MAPK10: variants seen among roughly 807,000 people sequenced by gnomAD.
MAPK10 encodes the protein mitogen-activated protein kinase 10.
A neutral mutation model predicts 59.3 loss-of-function variants in MAPK10; 25 were observed. That is an observed-to-expected ratio of 0.42 (90% CI 0.31 to 0.59). The LOEUF (loss-of-function observed/expected upper bound fraction) is 0.59. Among genes scored for constraint, MAPK10 ranks in the 20% least tolerant of loss-of-function variants. MAPK10 has a pLI of 0.15. For missense variants in MAPK10, 351 were observed against 568.9 expected, an observed-to-expected ratio of 0.62 and a Z score of 3.90; for synonymous variants, 190 against 200.5, an observed-to-expected ratio of 0.95 and a Z score of 0.44.
At chr4:86,235,559 T>C (rs1233194838) in intron 2 of MAPK10, among the ~76,000 whole-genome samples, 1 of 152,354 alleles carries the variant, frequency 6.6e-6, no homozygotes. Flanking sequence ...TCTGTGATAA[T>C]TGACATGTAT....
chr4:86,264,148 T>C (rs530896085), intron 2 of MAPK10, among the ~76,000 whole-genome samples: 1 of 152,348 alleles, frequency 6.6e-6, no homozygotes, highest in South Asian at 2.1e-4. Context: ...TGTTTTAATT[T>C]TGAAATTTGA....
chr4:86,559,172 C>G (rs112731205), intron 1 of MAPK10, among the ~76,000 whole-genome samples: 7,122 of 151,362 alleles, frequency 0.047, 222 homozygotes, highest in African/African-American at 0.059. Flanking sequence ...TCCTTTTCTT[C>G]TTGAGACATC....
At chr4:86,463,878 C>T (rs955922685) in intron 1 of MAPK10, among the ~76,000 whole-genome samples, 2 of 152,148 alleles carry the variant, frequency 1.3e-5, no homozygotes, top group Non-Finnish European at 2.9e-5. Context: ...TTGAATAGAT[C>T]CAGAGAAGAC....
At chr4:86,168,234 G>C (rs953486337) in intron 3 of MAPK10, among the ~76,000 whole-genome samples, 2 of 152,220 alleles carry the variant, frequency 1.3e-5, no homozygotes, top group African/African-American at 4.8e-5. Context: ...GCAACGCACC[G>C]TGCACCAGCC....
chr4:86,105,790 C>A (rs958920881), intron 5 of MAPK10, among the ~76,000 whole-genome samples: 1 of 152,054 alleles, frequency 6.6e-6, no homozygotes, highest in East Asian at 1.9e-4. Flanking sequence ...ATGTTTGTTG[C>A]ATGGCCATAT....
chr4:86,316,251 C>A (rs2095785703), intron 2 of MAPK10, among the ~76,000 whole-genome samples: 2 of 152,078 alleles, frequency 1.3e-5, no homozygotes, highest in African/African-American at 2.4e-5. Context: ...CTGCATGCAC[C>A]AAAAATAATA....
chr4:86,448,156 C>A (rs1750262909), intron 1 of MAPK10, among the ~76,000 whole-genome samples: 2 of 152,238 alleles, frequency 1.3e-5, no homozygotes, highest in East Asian at 3.9e-4. Flanking sequence ...TCTCACAAAC[C>A]AATTTTTATT....
At chr4:86,582,961 A>T (rs1047892367) in intron 1 of MAPK10, among the ~76,000 whole-genome samples, 3 of 152,072 alleles carry the variant, frequency 2.0e-5, no homozygotes, top group African/African-American at 7.2e-5. Flanking sequence ...ATCATTTAAA[A>T]TTTTTTGTTA....
At chr4:86,450,340 C>G (rs1314180939) in intron 1 of MAPK10, among the ~76,000 whole-genome samples, 1 of 152,184 alleles carries the variant, frequency 6.6e-6, no homozygotes, top group Non-Finnish European at 1.5e-5. Context: ...ACCCCAGACA[C>G]TCCAAAGCTT....
chr4:86,385,491 C>T (rs1356211992), intron 1 of MAPK10, among the ~76,000 whole-genome samples: 1 of 152,168 alleles, frequency 6.6e-6, no homozygotes, highest in African/African-American at 2.4e-5. Flanking sequence ...ATTTCTTATA[C>T]ATATTTCTTT....
intron 1 of MAPK10, among the ~76,000 whole-genome samples, chr4:86,573,350 C>T (rs1457469457): frequency 1.3e-5 from 2 of 152,098 alleles, no homozygotes; most frequent in African/African-American, 2.4e-5. Context: ...TGTTCCAGCA[C>T]CTTTTACTAA....
intron 2 of MAPK10, among the ~76,000 whole-genome samples, chr4:86,210,385 T>G (rs1423830424): frequency 6.6e-6 from 1 of 151,814 alleles, no homozygotes; most frequent in Non-Finnish European, 1.5e-5. Context: ...TGACAAAGTA[T>G]TAATAACAGA....
chr4:86,385,638 A>G (rs140263755), intron 1 of MAPK10, among the ~76,000 whole-genome samples: 1 of 152,322 alleles, frequency 6.6e-6, no homozygotes, highest in East Asian at 1.9e-4. Context: ...TTTTAAAATG[A>G]AGAAAACAAA....
intron 4 of MAPK10, among the ~76,000 whole-genome samples, chr4:86,148,995 A>G (rs1262832681): frequency 6.6e-6 from 1 of 152,226 alleles, no homozygotes; most frequent in Non-Finnish European, 1.5e-5. Flanking sequence ...GGGCACCAGG[A>G]AACAGTTGGC....
chr4:86,104,998 C>T (rs2149080043), intron 5 of MAPK10, among the ~76,000 whole-genome samples: 1 of 152,108 alleles, frequency 6.6e-6, no homozygotes, highest in Non-Finnish European at 1.5e-5. Flanking sequence ...TCTTTTATTC[C>T]AGCATCTTGA....
At chr4:86,108,227 A>C (rs1416654696) in intron 4 of MAPK10, among the ~76,000 whole-genome samples, 1 of 152,132 alleles carries the variant, frequency 6.6e-6, no homozygotes, top group Non-Finnish European at 1.5e-5. Context: ...AAGCTATCTA[A>C]ATATTTGGTG....
At chr4:86,107,727 G>C (rs946897383) in intron 4 of MAPK10, 5 of 875,854 alleles carry the variant, frequency 5.7e-6, no homozygotes, top group African/African-American at 1.8e-5. Flanking sequence ...ACTATGGCAA[G>C]TCATTTAATC....
intron 1 of MAPK10, among the ~76,000 whole-genome samples, chr4:86,428,581 CAGAT>C (rs965083718): frequency 6.7e-5 from 10 of 150,170 alleles, no homozygotes; most frequent in African/African-American, 2.3e-4. Flanking sequence ...GATAGATAGA[CAGAT>C]AGACAGATAG....
At chr4:86,386,537 C>A (rs1397486183) in intron 1 of MAPK10, among the ~76,000 whole-genome samples, 1 of 152,052 alleles carries the variant, frequency 6.6e-6, no homozygotes, top group African/African-American at 2.4e-5. Flanking sequence ...TAATCTTGAT[C>A]TATAAATGAT....
Sources: allele counts gnomAD v4.1 joint callset (sites outside exome capture counted in the v4.1 genomes callset), GRCh38; gene constraint gnomAD v4.1.1; transcripts MANE v1.5; gene names NCBI Gene and HGNC (gene_info 2026-07-23, HGNC 2026-07-21).